The following MAGI2 variants were observed in gnomAD, a reference collection of about 807,000 sequenced individuals.
MAGI2 encodes the protein membrane-associated guanylate kinase, WW and PDZ domain-containing protein 2.
In MAGI2, 35 loss-of-function variants were observed where a neutral mutation model predicts 133.3. The observed-to-expected ratio is 0.26, with a 90% confidence interval of 0.20 to 0.35. MAGI2 has a LOEUF of 0.35. MAGI2 is among the 10% of genes least tolerant of loss of function. The pLI is 1.00. For synonymous variants in MAGI2, 729 were observed against 710.6 expected (o/e 1.03, Z -0.41); for missense variants, 1,636 against 1,863.4 (o/e 0.88, Z 2.25).
intron 1 of MAGI2, among the ~76,000 whole-genome samples, chr7:79,042,823 C>T (rs76959700): frequency 0.014 from 2,134 of 152,126 alleles, 46 homozygotes; most frequent in African/African-American, 0.049. Context: ...CTAAAATCAG[C>T]CACATAATTG....
At chr7:79,050,662 C>T (rs550988971) in intron 1 of MAGI2, among the ~76,000 whole-genome samples, 2 of 152,268 alleles carry the variant, frequency 1.3e-5, no homozygotes, top group African/African-American at 2.4e-5. Context: ...GGAACAAAAG[C>T]GTGAGCCATT....
intron 3 of MAGI2, among the ~76,000 whole-genome samples, chr7:78,594,335 T>C (rs1361532523): frequency 6.6e-6 from 1 of 152,232 alleles, no homozygotes; most frequent in Non-Finnish European, 1.5e-5. Context: ...AGTGATTAAC[T>C]ATTAAAAGCT....
intron 2 of MAGI2, among the ~76,000 whole-genome samples, chr7:78,949,210 G>T (rs1584477756): frequency 6.6e-6 from 1 of 152,116 alleles, no homozygotes; most frequent in East Asian, 1.9e-4. Flanking sequence ...TAAACAATTT[G>T]CTTTACAATT....
At chr7:78,260,334 T>C (rs1429903003) in intron 9 of MAGI2, among the ~76,000 whole-genome samples, 1 of 152,128 alleles carries the variant, frequency 6.6e-6, no homozygotes, top group Non-Finnish European at 1.5e-5. Flanking sequence ...CTCAGACAGA[T>C]TGGGTTTAAG....
chr7:78,628,011 A>C (rs1808556934), intron 2 of MAGI2, among the ~76,000 whole-genome samples: 1 of 152,126 alleles, frequency 6.6e-6, no homozygotes, highest in Non-Finnish European at 1.5e-5. Context: ...TGACTCCTCC[A>C]TCACCCACAG....
chr7:79,075,435 T>C (rs969068647), intron 1 of MAGI2, among the ~76,000 whole-genome samples: 1 of 152,118 alleles, frequency 6.6e-6, no homozygotes, highest in Admixed American at 6.6e-5. Context: ...ATTCCTCTGA[T>C]TTAGAAAAAC....
intron 2 of MAGI2, among the ~76,000 whole-genome samples, chr7:78,640,326 T>C (rs959847899): frequency 2.6e-5 from 4 of 152,054 alleles, no homozygotes; most frequent in African/African-American, 9.7e-5. Context: ...CAAAAAGCAC[T>C]TGGCTCTACA....
At chr7:78,502,950 AT>A (rs1794750686) in intron 4 of MAGI2, among the ~76,000 whole-genome samples, 1 of 152,220 alleles carries the variant, frequency 6.6e-6, no homozygotes, top group African/African-American at 2.4e-5. Flanking sequence ...CTGAGGCCAG[AT>A]TAAGGAAACA....
intron 2 of MAGI2, among the ~76,000 whole-genome samples, chr7:78,952,439 A>AT (rs1801947925): frequency 2.6e-5 from 4 of 151,974 alleles, no homozygotes; most frequent in Non-Finnish European, 4.4e-5. Flanking sequence ...TCATCCATGT[A>AT]TTTTTTCATT....
At chr7:78,825,571 A>G (rs1212802617) in intron 2 of MAGI2, among the ~76,000 whole-genome samples, 1 of 152,226 alleles carries the variant, frequency 6.6e-6, no homozygotes, top group African/African-American at 2.4e-5. Context: ...ACAAAATTAG[A>G]GCTCATTTTT....
At chr7:78,464,981 G>A (rs2151521901) in intron 6 of MAGI2, among the ~76,000 whole-genome samples, 1 of 152,118 alleles carries the variant, frequency 6.6e-6, no homozygotes, top group East Asian at 1.9e-4. Context: ...TTATAACTAT[G>A]CTTCTATAAT....
intron 1 of MAGI2, among the ~76,000 whole-genome samples, chr7:79,034,863 C>T (rs773862115): frequency 6.6e-6 from 1 of 152,118 alleles, no homozygotes; most frequent in African/African-American, 2.4e-5. Flanking sequence ...GCAGCTTTCC[C>T]GGATTTAACT....
chr7:78,838,480 A>G (rs1052634711), intron 2 of MAGI2, among the ~76,000 whole-genome samples: 10 of 149,778 alleles, frequency 6.7e-5, no homozygotes, highest in Non-Finnish European at 1.5e-4. Context: ...ATACCTAAAA[A>G]TTAATTAAAT....
chr7:78,895,335 T>C (rs1014378835), intron 2 of MAGI2, among the ~76,000 whole-genome samples: 1 of 151,998 alleles, frequency 6.6e-6, no homozygotes, highest in African/African-American at 2.4e-5. Flanking sequence ...TAGAAACAAA[T>C]TTTTTTTCTT....
chr7:78,055,434 C>T (rs1448096920), intron 21 of MAGI2, among the ~76,000 whole-genome samples: 1 of 152,154 alleles, frequency 6.6e-6, no homozygotes, highest in Admixed American at 6.5e-5. Context: ...GGATTGTGTT[C>T]TATTAGTATT....
rs1798668108 is a variant in MAGI2, at chr7:78,311,154, G to A, written c.1408+32624C>T. 2.0e-5 allele frequency among the ~76,000 whole-genome samples: 3 copies of A among 152,192 alleles called. No homozygotes were observed. In the South Asian group the frequency reaches 6.2e-4, roughly 31 times the overall value. On this transcript the variant is annotated intron_variant, in intron 9 of 21. Coordinates refer to ENST00000354212, the MANE Select transcript of MAGI2 (RefSeq NM_012301.4). ...CATTACACAGCTAATAAGTAGCTAA[G>A]CTGGGATGACAATGGATGAGCTCCT... is the stretch of plus-strand genomic sequence containing the variant.
intron 1 of MAGI2, among the ~76,000 whole-genome samples, chr7:79,036,913 A>G (rs1811178960): frequency 6.6e-6 from 1 of 152,186 alleles, no homozygotes; most frequent in South Asian, 2.1e-4. Flanking sequence ...ATATGTAAAA[A>G]TTATGTTAAT....
At chr7:78,966,059 G>A (rs913566351) in intron 2 of MAGI2, among the ~76,000 whole-genome samples, 2 of 152,016 alleles carry the variant, frequency 1.3e-5, no homozygotes, top group Non-Finnish European at 2.9e-5. Flanking sequence ...TTCCCTGACT[G>A]CCTTTCAGCA....
At chr7:78,057,691 T>C (rs887957629) in intron 21 of MAGI2, among the ~76,000 whole-genome samples, 2 of 152,142 alleles carry the variant, frequency 1.3e-5, no homozygotes, top group African/African-American at 2.4e-5. Flanking sequence ...CAGAGCTTTT[T>C]TACATGCCTT....
Sources: allele counts gnomAD v4.1 joint callset (sites outside exome capture counted in the v4.1 genomes callset), GRCh38; gene constraint gnomAD v4.1.1; transcripts MANE v1.5; gene names NCBI Gene and HGNC (gene_info 2026-07-23, HGNC 2026-07-21).